TRAF3: variants seen among roughly 807,000 people sequenced by gnomAD.
TRAF3 encodes TNF receptor-associated factor 3.
Under a neutral mutation model 62.3 loss-of-function variants are expected in TRAF3, and 13 were observed. The ratio of observed to expected loss-of-function variants is 0.21; its 90% CI spans 0.14 to 0.33. TRAF3 has a LOEUF of 0.33. TRAF3 is among the 10% of genes least tolerant of loss of function. The pLI, the probability that TRAF3 is intolerant of heterozygous loss-of-function variation, is 1.00. For missense variants in TRAF3, 440 were observed against 741.8 expected (o/e 0.59, Z 4.73); for synonymous variants, 269 against 283.4 (o/e 0.95, Z 0.51).
intron 10 of TRAF3, among the ~76,000 whole-genome samples, chr14:102,901,152 C>T (rs200082555): frequency 6.6e-6 from 1 of 152,200 alleles, no homozygotes; most frequent in Non-Finnish European, 1.5e-5. Context: ...GTTCCTGACT[C>T]GGGGGCCCCT....
chr14:102,902,852 A>T (rs1890372084), intron 10 of TRAF3, among the ~76,000 whole-genome samples: 2 of 152,120 alleles, frequency 1.3e-5, no homozygotes. Context: ...CCACTGTGAA[A>T]CAGGGAAGCC....
chr14:102,870,519 C>G lies in TRAF3; in HGVS notation c.245+73C>G, dbSNP rs1322987561. ...GCCTCACCCTCTCCTTCATTCGTTT[C>G]TCTAAAAATAAACCTCTAGAGGTTT... On this transcript the variant is annotated intron_variant, in intron 3 of 11. Coordinates refer to ENST00000392745, the MANE Select transcript of TRAF3 (RefSeq NM_145725.3). The G allele has an allele frequency of 1.9e-6, 3 of 1,573,826 alleles. No homozygotes were observed. The African/African-American group carries it at 4.1e-5, about 21-fold the overall frequency.
At chr14:102,815,794 A>G (rs909860736) in intron 1 of TRAF3, among the ~76,000 whole-genome samples, 28 of 152,184 alleles carry the variant, frequency 1.8e-4, no homozygotes, top group African/African-American at 7.2e-5. Flanking sequence ...CACGTCTTAC[A>G]TGGCAGCAGG....
At chr14:102,870,575 G>A (rs542208770) in intron 3 of TRAF3, 129 bp downstream of exon 3, 28 of 1,305,830 alleles carry the variant, frequency 2.1e-5, no homozygotes, top group East Asian at 1.8e-4. Flanking sequence ...AAAAGCCTCC[G>A]GGCCCAGCTT....
At position 102,903,305 on chromosome 14, in the gene TRAF3, C is replaced by T. The variant is rs773840109; in HGVS notation, c.1011C>T (p.Ile337=). 6.2e-7 allele frequency: 1 copy of T among 1,614,206 alleles called. No individual in the cohort carries two copies. The highest frequency in any genetic ancestry group is 8.5e-7 in the Non-Finnish European group (1 of 1,180,048). Residue 337 remains isoleucine (I), a synonymous_variant, in exon 11 of 12, where the codon ATC becomes ATT. Coordinates refer to ENST00000392745, the MANE Select transcript of TRAF3 (RefSeq NM_145725.3). This position sits in a 1 kb window ranked among gnomAD's most constrained non-coding sequence, Gnocchi z 6.4. ...AACTGAAGGAGCTTGACAAGGAGAT[C>T]CGGCCCTTCCGGCAGAACTGGGAGG... ...AEKLKELDKE[I]RPFRQNWEEA...
chr14:102,873,088 G>T (rs567257811), intron 4 of TRAF3, among the ~76,000 whole-genome samples: 1 of 152,204 alleles, frequency 6.6e-6, no homozygotes, highest in East Asian at 1.9e-4. Context: ...TCACTAAGTT[G>T]TACAATAAAA....
At chr14:102,851,750 A>AG (rs1213345900) in intron 2 of TRAF3, among the ~76,000 whole-genome samples, 1 of 150,546 alleles carries the variant, frequency 6.6e-6, no homozygotes, top group African/African-American at 2.5e-5. Flanking sequence ...CCTCAAAAAA[A>AG]AAGAAATTAT....
chr14:102,886,331 C>A, intron 7 of TRAF3, 62 bp downstream of exon 7: 2 of 1,432,032 alleles, frequency 1.4e-6, no homozygotes, highest in East Asian at 2.4e-5. Flanking sequence ...GCCTGGCTCC[C>A]CTTCCCTGCA....
intron 1 of TRAF3, among the ~76,000 whole-genome samples, chr14:102,787,710 TTCGA>T (rs781254532): frequency 9.9e-5 from 15 of 151,524 alleles, no homozygotes; most frequent in Non-Finnish European, 1.8e-4. Context: ...ACAACAACAC[TTCGA>T]TTTATTCAGG....
chr14:102,897,525 T>G, intron 10 of TRAF3, 124 bp downstream of exon 10: 1 of 1,297,976 alleles, frequency 7.7e-7, no homozygotes, highest in East Asian at 2.6e-5. Context: ...AGGCAACTGA[T>G]TTCTCTGGCC....
intron 1 of TRAF3, among the ~76,000 whole-genome samples, chr14:102,800,503 G>A (rs1441117626): frequency 2.6e-5 from 4 of 152,152 alleles, no homozygotes; most frequent in African/African-American, 7.2e-5. Flanking sequence ...AAGTGAGTGC[G>A]ATGGTGCAGG....
intron 4 of TRAF3, among the ~76,000 whole-genome samples, chr14:102,872,699 C>CT (rs561941029): frequency 0.37 from 54,639 of 148,144 alleles, 14,164 homozygotes; most frequent in African/African-American, 0.73. Context: ...TCTTCTTTTT[C>CT]TTTTTTTTTT....
intron 1 of TRAF3, among the ~76,000 whole-genome samples, chr14:102,787,813 T>G (rs1180860946): frequency 6.7e-6 from 1 of 148,884 alleles, no homozygotes; most frequent in East Asian, 2.0e-4. Context: ...TTGCCTTGCT[T>G]TTTTTTTTTT....
At chr14:102,882,562 A>G (rs1595392000) in intron 6 of TRAF3, among the ~76,000 whole-genome samples, 1 of 109,878 alleles carries the variant, frequency 9.1e-6, no homozygotes, top group Non-Finnish European at 1.7e-5. Flanking sequence ...ATTCCCATGT[A>G]TTTTGTTTTT....
rs201486992 is a variant in TRAF3 at position 102,905,331 on chromosome 14, C to T, written c.1254C>T (p.Leu418=). ...AGACCGCCAGCTACAATGGAGTGCT[C>T]ATCTGGAAGATTCGCGACTACAAGC... ...VLETASYNGV[L]IWKIRDYKRR... Residue 418 remains leucine, a synonymous_variant, in exon 12 of 12, where the codon CTC becomes CTT. Coordinates refer to ENST00000392745, the MANE Select transcript of TRAF3 (RefSeq NM_145725.3). The T allele has an allele frequency of 5.3e-5, 85 of 1,614,198 alleles. No homozygotes were observed. The highest frequency in any genetic ancestry group is 7.0e-5 in the Non-Finnish European group (83 of 1,180,038).
Position 102,903,084 on chromosome 14 carries a change from C to A in TRAF3, c.961-171C>A. On this transcript the variant is annotated intron_variant, in intron 10 of 11. Transcript: ENST00000392745. This position sits in a 1 kb window ranked among gnomAD's most constrained non-coding sequence, Gnocchi z 6.4. ...ACAAGCACTTGATCCCAGGGAGCTC[C>A]CAGGAGGCCTGATGCAGAGCCCCAC... The A allele has an allele frequency of 2.3e-6, 2 of 859,826 alleles. No homozygotes were observed. Among genetic ancestry groups the A allele is most frequent in the Non-Finnish European group, 3.8e-6 (2 of 523,434 alleles). The allele number at this position is 859,826 out of a possible 1,614,324, so 53.3% of individuals were successfully genotyped here.
At chr14:102,888,426 CCCT>C (rs948341096) in intron 7 of TRAF3, among the ~76,000 whole-genome samples, 11 of 152,314 alleles carry the variant, frequency 7.2e-5, no homozygotes, top group African/African-American at 1.2e-4. Flanking sequence ...CCCGCAGTGT[CCCT>C]CCTCCTTAGT....
At chr14:102,829,852 G>A (rs942878217) in intron 1 of TRAF3, among the ~76,000 whole-genome samples, 8 of 152,292 alleles carry the variant, frequency 5.3e-5, no homozygotes, top group Non-Finnish European at 4.4e-5. Context: ...AGCATAGGCC[G>A]GGGATGGTGG....
chr14:102,834,172 G>A (rs935969758), intron 2 of TRAF3, among the ~76,000 whole-genome samples: 1 of 152,038 alleles, frequency 6.6e-6, no homozygotes, highest in East Asian at 1.9e-4. Context: ...GAACAAAGCT[G>A]GAGGCATTCT....
Sources: gnomAD v4.1 joint callset for allele counts (sites outside exome capture counted in the v4.1 genomes callset) on GRCh38, gnomAD v4.1.1 for gene constraint, Gnocchi (gnomAD v3.1) non-coding constraint, MANE v1.5 for transcripts, NCBI Gene and HGNC (gene_info 2026-07-23, HGNC 2026-07-21) for gene names.